Variants in GABRG2 observed in about 807,000 individuals in gnomAD.
The protein encoded by GABRG2 is gamma-aminobutyric acid receptor subunit gamma-2.
GABRG2 carries 16 observed loss-of-function variants against 56.4 expected under a neutral mutation model. The observed-to-expected ratio is 0.28, with a 90% CI of 0.19 to 0.43. The LOEUF (loss-of-function observed/expected upper bound fraction) is 0.43. Among genes scored for constraint, GABRG2 ranks in the 20% least tolerant of loss-of-function variants. GABRG2 has a pLI of 1.00. For missense variants in GABRG2, 327 were observed against 582.7 expected (o/e 0.56, Z 4.52); for synonymous variants, 208 against 205.5 (o/e 1.01, Z -0.10).
intron 1 of GABRG2, among the ~76,000 whole-genome samples, chr5:162,082,892 G>A (rs1363702360): frequency 6.6e-6 from 1 of 151,604 alleles, no homozygotes; most frequent in Non-Finnish European, 1.5e-5. Context: ...TATCTATAAA[G>A]AGTCGATGAA....
At position 162,104,057 on chromosome 5, in the gene GABRG2, A is replaced by G. The variant is rs779577548; in HGVS notation, c.769+31A>G. The G allele has an allele frequency of 1.5e-5, 24 of 1,612,426 alleles. No homozygotes were observed. In the Admixed American group the frequency reaches 3.8e-4, roughly 26 times the overall value. On this transcript the variant is annotated intron_variant, in intron 6 of 9. Transcript: ENST00000639213. ...ATGCACTGGCAAAGAATTTCAAGTGACCCTTCCAGAGTTGAAATTTTGGTA... is the reference window on the plus strand; with the variant it reads ...ATGCACTGGCAAAGAATTTCAAGTGGCCCTTCCAGAGTTGAAATTTTGGTA...
chr5:162,097,992 A>G (rs1490864065), intron 4 of GABRG2, 134 bp downstream of exon 4: 2 of 743,784 alleles, frequency 2.7e-6, no homozygotes, highest in African/African-American at 3.6e-5. Flanking sequence ...GCATGCTATC[A>G]ATTAGTATAT....
chr5:162,120,847 A>T (rs1762934783), intron 6 of GABRG2, among the ~76,000 whole-genome samples: 1 of 152,142 alleles, frequency 6.6e-6, no homozygotes, highest in South Asian at 2.1e-4. Flanking sequence ...TAGATTAAGA[A>T]TTCCCATTAA....
intron 1 of GABRG2, among the ~76,000 whole-genome samples, chr5:162,076,360 G>C (rs1002123531): frequency 1.3e-5 from 2 of 152,114 alleles, no homozygotes; most frequent in Admixed American, 1.3e-4. Flanking sequence ...TCTGAACTTT[G>C]TGGGAGTGTA....
chr5:162,135,327 A>T lies in GABRG2; in HGVS notation c.770-6837A>T, dbSNP rs531312765. Among the ~76,000 whole-genome samples the T allele has an allele frequency of 9.9e-5, 15 of 152,284 alleles. No homozygotes were observed. The South Asian group carries it at 3.1e-3, about 32-fold the overall frequency. The stretch of plus-strand genomic sequence containing the variant: ...ATTTTTCCAGAAGCAGTAATTTGTA[A>T]TGTAAAAGTTTAATATCTTAAAAGC... On this transcript the variant is annotated intron_variant, in intron 6 of 9. Transcript: ENST00000639213.
intron 1 of GABRG2, among the ~76,000 whole-genome samples, chr5:162,072,115 A>G (rs1758721089): frequency 6.6e-6 from 1 of 151,968 alleles, no homozygotes. Context: ...TCCTCAAAAT[A>G]ATTGATTTAA....
intron 6 of GABRG2, among the ~76,000 whole-genome samples, chr5:162,119,913 G>A (rs536428880): frequency 1.3e-5 from 2 of 152,198 alleles, no homozygotes; most frequent in African/African-American, 2.4e-5. Context: ...AATTGTGACG[G>A]TTTCAGGGGC....
chr5:162,149,295 T>A lies in GABRG2; in HGVS notation c.1110T>A (p.Asp370Glu), dbSNP rs201824364. The change falls in exon 8 of 10, where the codon GAT becomes GAA. Residue 370 changes from aspartate to glutamate, a missense_variant. By Grantham distance (45) the Asp-to-Glu change is conservative. This residue lies in a region of GABRG2 where 108 missense variants were observed against 144.2 expected (regional missense o/e 0.75). Coordinates refer to ENST00000639213, the MANE Select transcript of GABRG2 (RefSeq NM_198904.4). ...ACCGGAAACCAAGCAAGGACAAAGATAAAAAGAAGAAAAACCCTGTATGTA... is the reference window on the plus strand; with the variant it reads ...ACCGGAAACCAAGCAAGGACAAAGAAAAAAAGAAGAAAAACCCTGTATGTA... ...VSNRKPSKDK[D>E]KKKKNPLLRM... is the part of the protein sequence containing the mutation. The A allele has an allele frequency of 1.2e-6, 2 of 1,614,130 alleles. No individual in the cohort carries two copies. Among genetic ancestry groups the A allele is most frequent in the Non-Finnish European group, 1.7e-6 (2 of 1,180,010 alleles).
chr5:162,139,315 C>T (rs1478599783), intron 6 of GABRG2, among the ~76,000 whole-genome samples: 1 of 152,178 alleles, frequency 6.6e-6, no homozygotes, highest in African/African-American at 2.4e-5. Context: ...TCCACTGATG[C>T]CGCACTTTAA....
At chr5:162,123,761 AGT>A (rs1763133133) in intron 6 of GABRG2, among the ~76,000 whole-genome samples, 1 of 151,886 alleles carries the variant, frequency 6.6e-6, no homozygotes, top group Non-Finnish European at 1.5e-5. Context: ...GATTTAGAGA[AGT>A]TAAGAAATGT....
chr5:162,126,163 C>T (rs1221450462), intron 6 of GABRG2, among the ~76,000 whole-genome samples: 4 of 151,858 alleles, frequency 2.6e-5, no homozygotes, highest in Admixed American at 2.0e-4. Flanking sequence ...TTAAAATCTT[C>T]AAGAAATGAG....
At chr5:162,095,648 C>A in intron 3 of GABRG2, 86 bp downstream of exon 3, 1 of 949,730 alleles carries the variant, frequency 1.1e-6, no homozygotes, top group Non-Finnish European at 1.7e-6. Context: ...AAAGACATGC[C>A]AGCAAAAAAT....
intron 3 of GABRG2, 82 bp downstream of exon 3, chr5:162,095,644 A>G: frequency 1.0e-6 from 1 of 970,948 alleles, no homozygotes; most frequent in South Asian, 1.4e-5. Flanking sequence ...AGCAAAAGAC[A>G]TGCCAGCAAA....
At chr5:162,125,914 G>T (rs1763312808) in intron 6 of GABRG2, among the ~76,000 whole-genome samples, 1 of 151,822 alleles carries the variant, frequency 6.6e-6, no homozygotes. Context: ...AAGAGATGTT[G>T]TTCCATAGTA....
At chr5:162,105,133 C>T (rs1258198053) in intron 6 of GABRG2, among the ~76,000 whole-genome samples, 2 of 151,962 alleles carry the variant, frequency 1.3e-5, no homozygotes, top group African/African-American at 4.8e-5. Context: ...ATATTTTTTG[C>T]GTATGGAATA....
chr5:162,093,070 G>T lies in GABRG2; in HGVS notation c.108-758G>T, dbSNP rs182422715. Among the ~76,000 whole-genome samples the T allele has an allele frequency of 1.2e-3, 190 of 152,208 alleles. 2 individuals carry two copies. The highest frequency in any genetic ancestry group is 6.0e-3 in the Admixed American group (91 of 15,264). Reference sequence around the variant, plus strand: ...CTGAAAGGGTTTCTGATAGGTTTGGGCATAGTGAATATAATGAAAGAATAT... The same window carrying T: ...CTGAAAGGGTTTCTGATAGGTTTGGTCATAGTGAATATAATGAAAGAATAT... On this transcript the variant is annotated intron_variant, in intron 1 of 9. Transcript: ENST00000639213.
At chr5:162,083,708 TGAG>T (rs1759837622) in intron 1 of GABRG2, 1 of 153,838 alleles carries the variant, frequency 6.5e-6, no homozygotes, top group Admixed American at 6.6e-5. Flanking sequence ...CTTAAATAGA[TGAG>T]GAGTGTTTTG....
chr5:162,124,300 G>A lies in GABRG2; in HGVS notation c.770-17864G>A, dbSNP rs920499590. Among the ~76,000 whole-genome samples, 3 of 151,862 alleles carry A rather than the reference G, an allele frequency of 2.0e-5. No individual in the cohort carries two copies. The South Asian group carries it at 6.2e-4, about 31-fold the overall frequency. On this transcript the variant is annotated intron_variant, in intron 6 of 9. Transcript: ENST00000639213. ...ACAATAGAAAAATACAACAAATAAA[G>A]TGAGTAGAAAGTGACCAAAGCATCA...
intron 1 of GABRG2, among the ~76,000 whole-genome samples, chr5:162,086,839 A>T (rs538738431): frequency 7.9e-5 from 12 of 152,036 alleles, no homozygotes; most frequent in Non-Finnish European, 1.8e-4. Context: ...TTTATTTATC[A>T]ATTTTACTGT....
Sources: allele counts gnomAD v4.1 joint callset (sites outside exome capture counted in the v4.1 genomes callset), GRCh38; gene constraint gnomAD v4.1.1; regional missense constraint gnomAD v4.1.1; transcripts MANE v1.5; gene names NCBI Gene and HGNC (gene_info 2026-07-23, HGNC 2026-07-21).